The following CACNG7 variants were observed in gnomAD, a reference collection of about 807,000 sequenced individuals.
CACNG7 encodes calcium voltage-gated channel auxiliary subunit gamma 7, also known as voltage-dependent calcium channel gamma-7 subunit.
Under a neutral mutation model 26.3 loss-of-function variants are expected in CACNG7, and 9 were observed. That is an observed-to-expected ratio of 0.34 (90% CI 0.21 to 0.60). CACNG7 has a LOEUF of 0.60. Among genes scored for constraint, CACNG7 ranks in the 20% least tolerant of loss-of-function variants. The pLI is 0.81. For missense variants in CACNG7, 297 were observed against 380.4 expected, an observed-to-expected ratio of 0.78 and a Z score of 1.82; for synonymous variants, 170 against 157.0, an observed-to-expected ratio of 1.08 and a Z score of -0.62.
chr19:53,935,764 C>T lies in CACNG7; in HGVS notation c.425-5706C>T, dbSNP rs144215405. Reference sequence around the variant, plus strand: ...CAAGCGATTCTCCTGCCTCAGCCTCCCAAGTAGCTGGGATTACAGGCACCC... The same window carrying T: ...CAAGCGATTCTCCTGCCTCAGCCTCTCAAGTAGCTGGGATTACAGGCACCC... On this transcript the variant is annotated intron_variant, in intron 4 of 5. Transcript: ENST00000391767. Among the ~76,000 whole-genome samples, 1,097 of 151,392 alleles carry T rather than the reference C, an allele frequency of 7.2e-3. 4 individuals are homozygous for T. Among genetic ancestry groups the T allele is most frequent in the Non-Finnish European group, 0.011 (717 of 67,926 alleles).
At chr19:53,941,011 G>A (rs1313451527) in intron 4 of CACNG7, among the ~76,000 whole-genome samples, 6 of 151,342 alleles carry the variant, frequency 4.0e-5, no homozygotes, top group Non-Finnish European at 8.8e-5. Flanking sequence ...GCGGTGAGCC[G>A]AGATCGGGCC....
At chr19:53,925,313 A>C (rs1471654602) in intron 4 of CACNG7, among the ~76,000 whole-genome samples, 1 of 107,370 alleles carries the variant, frequency 9.3e-6, no homozygotes, top group Non-Finnish European at 1.8e-5. Flanking sequence ...TCATTGGTGG[A>C]GTTGTCCCCA....
chr19:53,941,933 G>A, intron 5 of CACNG7, 103 bp from the exon 6 acceptor site: 1 of 1,387,586 alleles, frequency 7.2e-7, no homozygotes, highest in Non-Finnish European at 9.6e-7. Flanking sequence ...GATAGGAAGG[G>A]GCTTGGGGTG....
At chr19:53,941,878 G>C (rs970368416) in intron 5 of CACNG7, among the ~76,000 whole-genome samples, 158 bp from the exon 6 acceptor site, 4 of 152,084 alleles carry the variant, frequency 2.6e-5, no homozygotes, top group Non-Finnish European at 5.9e-5. Context: ...GGACTCCTGA[G>C]GTCCCGGGGA....
At chr19:53,919,799 GC>G (rs2068925830) in intron 4 of CACNG7, among the ~76,000 whole-genome samples, 1 of 145,058 alleles carries the variant, frequency 6.9e-6, no homozygotes, top group Non-Finnish European at 1.5e-5. Context: ...CTTGCCCCAG[GC>G]CCGGTATTGG....
chr19:53,939,797 G>A lies in CACNG7; in HGVS notation c.425-1673G>A, dbSNP rs307913. Among the ~76,000 whole-genome samples the A allele has an allele frequency of 0.87, 131,962 of 152,246 alleles. 57,252 individuals carry two copies. The highest frequency in any genetic ancestry group is 0.97 in the East Asian group (5,034 of 5,190). On this transcript the variant is annotated intron_variant, in intron 4 of 5. Coordinates refer to ENST00000391767, the MANE Select transcript of CACNG7 (RefSeq NM_031896.5). This position sits in a 1 kb window ranked among gnomAD's most constrained non-coding sequence, Gnocchi z 4.2. ...ACTTCTCTTGGGGACATACCTAGGA[G>A]TGGAATTGCTGGGTCATATGATAAT...
In CACNG7 at chr19:53,914,547, G is replaced by C. The variant is rs2068882744; in HGVS notation, c.244G>C (p.Glu82Gln). The C allele has an allele frequency of 6.2e-7, 1 of 1,614,004 alleles. No homozygotes were observed. Among genetic ancestry groups the C allele is most frequent in the African/African-American group, 1.3e-5 (1 of 74,898 alleles). The change falls in exon 3 of 6, where the codon GAG (glutamate) becomes CAG (glutamine). Residue 82 changes from glutamate (E) to glutamine (Q), a missense_variant. Transcript: ENST00000391767. ...CVASEYFLEP[E>Q]INLVTENTEN... ...GGCCTCAGAATATTTTCTTGAACCG[G>C]AGATCAATTTGGTGACGGAAAACAC... is the stretch of plus-strand genomic sequence containing the variant.
chr19:53,922,292 T>C lies in CACNG7; in HGVS notation c.424+6787T>C, dbSNP rs141121406. 3.9e-4 allele frequency among the ~76,000 whole-genome samples: 37 copies of C among 94,938 alleles called. No individual in the cohort carries two copies. In the East Asian group the frequency reaches 8.6e-3, roughly 22 times the overall value. The allele number at this position is 94,938 out of a possible 152,430, so 62.3% of individuals were successfully genotyped here. A position where few individuals can be genotyped will look rare whatever the true frequency, so the allele number is the denominator to read the frequency against. ...GTCATTGGTGCAGTTGCCCCAGGTC[T>C]GGTATTGGTGGAGTTGTCCCCAGGT... On this transcript the variant is annotated intron_variant, in intron 4 of 5. Transcript: ENST00000391767.
chr19:53,923,952 G>T (rs1412578285), intron 4 of CACNG7, among the ~76,000 whole-genome samples: 14 of 119,514 alleles, frequency 1.2e-4, no homozygotes, highest in South Asian at 2.9e-4. Flanking sequence ...TGGTGGAGTT[G>T]TCCCCAGGTC....
At position 53,912,873 on chromosome 19, in the gene CACNG7, C is replaced by A; in HGVS notation, c.42C>A (p.Ser14Arg). 1.2e-6 allele frequency: 2 copies of A among 1,613,852 alleles called. No individual in the cohort carries two copies. The highest frequency in any genetic ancestry group is 1.7e-6 in the Non-Finnish European group (2 of 1,180,022). The change falls in exon 2 of 6, where the codon AGC becomes AGA. Residue 14 changes from serine (S) to arginine (R), a missense_variant. By Grantham distance (110) the Ser-to-Arg change is moderately radical. Coordinates refer to ENST00000391767, the MANE Select transcript of CACNG7 (RefSeq NM_031896.5). This position sits in a 1 kb window ranked among gnomAD's most constrained non-coding sequence, Gnocchi z 4.6. ...CSSRALTLLS[S>R]VFGACGLLLV... is the part of the protein sequence containing the mutation. ...GCCGCGCCCTGACCCTGCTGAGCAG[C>A]GTGTTTGGTGCGTGTGGCCTGCTCC...
chr19:53,942,373 C>A lies in CACNG7; in HGVS notation c.*80C>A. 6.5e-7 allele frequency: 1 copy of A among 1,535,716 alleles called. No individual in the cohort carries two copies. Among genetic ancestry groups the A allele is most frequent in the Non-Finnish European group, 8.8e-7 (1 of 1,142,110 alleles). ...CTCCCTGCAATGCAGCGCCCCCTTC[C>A]GTCCTCGGGACTCCTCGCTCCCACC... On this transcript the variant is annotated 3_prime_UTR_variant, in exon 6 of 6. Coordinates refer to ENST00000391767, the MANE Select transcript of CACNG7 (RefSeq NM_031896.5). This position sits in a 1 kb window ranked among gnomAD's most constrained non-coding sequence, Gnocchi z 5.9.
intron 4 of CACNG7, among the ~76,000 whole-genome samples, chr19:53,937,566 CCCCTT>C (rs1336425589): frequency 8.7e-6 from 1 of 115,142 alleles, no homozygotes; most frequent in African/African-American, 3.5e-5. Context: ...AGTCTCCTCC[CCCCTT>C]CCCTTCCCTC....
At chr19:53,910,936 G>A (rs1170013660) in intron 1 of CACNG7, among the ~76,000 whole-genome samples, 2 of 152,094 alleles carry the variant, frequency 1.3e-5, no homozygotes, top group African/African-American at 4.8e-5. Flanking sequence ...AGGGGAGGGG[G>A]TTTTGGGACT....
intron 4 of CACNG7, among the ~76,000 whole-genome samples, chr19:53,923,476 T>TCTGGTCATTGGTGGAGTTGTCCCAGG (rs1568776380): frequency 1.3e-4 from 10 of 78,526 alleles, no homozygotes; most frequent in African/African-American, 5.5e-4. Flanking sequence ...TTGTCCCAGG[T>TCTGGTCATTGGTGGAGTTGTCCCAGG]CTGGTCATTG....
intron 4 of CACNG7, among the ~76,000 whole-genome samples, chr19:53,934,581 C>T (rs1015725584): frequency 6.0e-5 from 9 of 151,252 alleles, no homozygotes; most frequent in South Asian, 2.1e-4. Context: ...TTGAGACCAG[C>T]GTGGTCAACA....
intron 4 of CACNG7, among the ~76,000 whole-genome samples, chr19:53,941,208 T>C (rs1443264247): frequency 6.6e-6 from 1 of 152,230 alleles, no homozygotes; most frequent in Non-Finnish European, 1.5e-5. Context: ...TCACCTTATA[T>C]GTGACTTAAT....
At chr19:53,928,839 G>A (rs946694528) in intron 4 of CACNG7, among the ~76,000 whole-genome samples, 7 of 152,172 alleles carry the variant, frequency 4.6e-5, no homozygotes, top group African/African-American at 7.2e-5. Context: ...GGCCGGGCAC[G>A]GTAGCTCACG....
chr19:53,942,073 G>C lies in CACNG7; in HGVS notation c.608G>C (p.Arg203Pro). ...GVMSVYLFTK[R>P]YAEEEMYRPH... ...ATGTCCGTGTACCTGTTCACCAAGC[G>C]CTACGCGGAGGAGGAGATGTACCGT... Residue 203 changes from arginine to proline, a missense_variant, in exon 6 of 6, where the codon CGC becomes CCC. Coordinates refer to ENST00000391767, the MANE Select transcript of CACNG7 (RefSeq NM_031896.5). The surrounding 1 kb of genome is among the most constrained non-coding windows in gnomAD (Gnocchi z 5.9). 1.9e-6 allele frequency: 3 copies of C among 1,613,234 alleles called. No homozygotes were observed. Among genetic ancestry groups the C allele is most frequent in the Admixed American group, 1.7e-5 (1 of 59,936 alleles).
At position 53,909,447 on chromosome 19, in the gene CACNG7, G is replaced by A. The variant is rs1331384694; in HGVS notation, c.-100G>A. 1 of 150,232 alleles carries A rather than the reference G, an allele frequency of 6.7e-6. No homozygotes were observed. Among genetic ancestry groups the A allele is most frequent in the Non-Finnish European group, 1.5e-5 (1 of 67,192 alleles). 9.3% of individuals were successfully genotyped at this position (150,232 alleles called of 1,614,324 possible). A position where few individuals can be genotyped will look rare whatever the true frequency, so the allele number is the denominator to read the frequency against. On this transcript the variant is annotated 5_prime_UTR_variant, in exon 1 of 6. Coordinates refer to ENST00000391767, the MANE Select transcript of CACNG7 (RefSeq NM_031896.5). This position sits in a 1 kb window ranked among gnomAD's most constrained non-coding sequence, Gnocchi z 5.1. ...ACCCCGGTGGCGGCGGCGGCGGCCG[G>A]GGGAAGCCTCGGGGCCGGTCATGCG... is the stretch of plus-strand genomic sequence containing the variant.
Sources: gnomAD v4.1 joint callset for allele counts (sites outside exome capture counted in the v4.1 genomes callset) on GRCh38, gnomAD v4.1.1 for gene constraint, Gnocchi (gnomAD v3.1) non-coding constraint, MANE v1.5 for transcripts, NCBI Gene and HGNC (gene_info 2026-07-23, HGNC 2026-07-21) for gene names.